SLC30A8: variants seen among roughly 807,000 people sequenced by gnomAD.
SLC30A8 encodes proton-coupled zinc antiporter SLC30A8.
SLC30A8 carries 27 observed loss-of-function variants against 36.9 expected under a neutral mutation model. That is an observed-to-expected ratio of 0.73 (90% CI 0.54 to 1.01). The LOEUF (loss-of-function observed/expected upper bound fraction) is 1.01, where lower values mean the gene tolerates loss of function less well. Ranked by LOEUF, SLC30A8 falls within the 50% of genes least tolerant of loss-of-function variation. The probability of loss-of-function intolerance (pLI) is 0.00; values close to 1 mark genes in which losing one functional copy is unlikely to be tolerated. For missense variants in SLC30A8, 439 were observed against 452.0 expected, an observed-to-expected ratio of 0.97 and a Z score of 0.26; for synonymous variants, 164 against 172.4, an observed-to-expected ratio of 0.95 and a Z score of 0.38.
intron 1 of SLC30A8, among the ~76,000 whole-genome samples, chr8:116,986,363 A>G (rs910484052): frequency 9.2e-5 from 14 of 152,166 alleles, no homozygotes; most frequent in Non-Finnish European, 1.3e-4. Flanking sequence ...TAGTGCACTA[A>G]GAGCCTCTGT....
chr8:117,045,732 C>T lies in SLC30A8; in HGVS notation c.-226+6474C>T, dbSNP rs115564739. On this transcript the variant is annotated intron_variant, in intron 2 of 10. Coordinates refer to the SLC30A8 transcript ENST00000427715. Reference sequence around the variant, plus strand: ...AGCAGCAGTCCTTTCAAAGCGTGGCCAGTGCAGAGCTGTGAGGCTAGTAAA... The same window carrying T: ...AGCAGCAGTCCTTTCAAAGCGTGGCTAGTGCAGAGCTGTGAGGCTAGTAAA... Among the ~76,000 whole-genome samples the T allele has an allele frequency of 5.2e-3, 786 of 152,258 alleles. 6 individuals are homozygous for T. Among genetic ancestry groups the T allele is most frequent in the African/African-American group, 0.018 (730 of 41,534 alleles).
chr8:117,081,485 G>A (rs1818676573), intron 2 of SLC30A8, among the ~76,000 whole-genome samples: 1 of 152,106 alleles, frequency 6.6e-6, no homozygotes, highest in South Asian at 2.1e-4. Context: ...CTACCCTAAT[G>A]GCCTCATGTA....
At chr8:117,027,734 C>G (rs951090333) in intron 1 of SLC30A8, among the ~76,000 whole-genome samples, 3 of 152,086 alleles carry the variant, frequency 2.0e-5, no homozygotes, top group Admixed American at 1.3e-4. Flanking sequence ...TAATAAAATT[C>G]TCATTTCTTC....
In SLC30A8 at chr8:117,135,067, A is replaced by T. The variant is rs552067277; in HGVS notation, c.-261A>T. ...ATCATATGAAAGACATACACACTTC[A>T]TGTAATGCTACCTGCAAGTCTCCCT... On this transcript the variant is annotated 5_prime_UTR_variant, in exon 1 of 8. The change abolishes an upstream ATG in the 5' untranslated region. Coordinates refer to ENST00000456015, the MANE Select transcript of SLC30A8 (RefSeq NM_173851.3). The T allele has an allele frequency of 4.2e-4, 137 of 329,106 alleles. No homozygotes were observed. Among genetic ancestry groups the T allele is most frequent in the African/African-American group, 2.7e-3 (126 of 47,376 alleles). 20.4% of individuals were successfully genotyped at this position (329,106 alleles called of 1,614,324 possible). A position where few individuals can be genotyped will look rare whatever the true frequency, so the allele number is the denominator to read the frequency against.
intron 1 of SLC30A8, among the ~76,000 whole-genome samples, chr8:117,002,788 A>G (rs1420555739): frequency 6.6e-6 from 1 of 152,100 alleles, no homozygotes; most frequent in Non-Finnish European, 1.5e-5. Flanking sequence ...GATTTTTACT[A>G]GAGACGGGGT....
intron 2 of SLC30A8, among the ~76,000 whole-genome samples, chr8:117,116,238 G>A (rs1820439413): frequency 1.3e-5 from 2 of 151,990 alleles, no homozygotes; most frequent in Non-Finnish European, 2.9e-5. Context: ...TGAGTGTAAT[G>A]GGATGGCACT....
At chr8:116,987,627 GA>G (rs201546342) in intron 1 of SLC30A8, among the ~76,000 whole-genome samples, 4,969 of 144,788 alleles carry the variant, frequency 0.034, 248 homozygotes, top group African/African-American at 0.11. Flanking sequence ...TACCAAAAAA[GA>G]AAAAAAAAAA....
At chr8:116,982,916 A>G (rs1815324008) in intron 1 of SLC30A8, among the ~76,000 whole-genome samples, 1 of 152,144 alleles carries the variant, frequency 6.6e-6, no homozygotes, top group Non-Finnish European at 1.5e-5. Flanking sequence ...CATGTGCTGA[A>G]TTTGTCACTA....
chr8:117,150,496 A>G (rs779596661), intron 2 of SLC30A8, among the ~76,000 whole-genome samples: 8 of 152,208 alleles, frequency 5.3e-5, no homozygotes, highest in Non-Finnish European at 1.2e-4. Flanking sequence ...TTATCTTGTT[A>G]TAAGTGTACT....
intron 2 of SLC30A8, chr8:117,128,541 C>T (rs1001072624): frequency 1.3e-5 from 1 of 74,112 alleles, no homozygotes; most frequent in Admixed American, 1.1e-4. Context: ...ATAATATGCT[C>T]CCTGTGTTAT....
At chr8:117,112,835 A>G (rs1563605071) in intron 2 of SLC30A8, among the ~76,000 whole-genome samples, 2 of 152,034 alleles carry the variant, frequency 1.3e-5, no homozygotes. Flanking sequence ...TTTTCCTTCA[A>G]GTGTGATCAC....
chr8:117,013,000 A>G (rs1471466702), intron 1 of SLC30A8, among the ~76,000 whole-genome samples: 1 of 152,058 alleles, frequency 6.6e-6, no homozygotes, highest in Non-Finnish European at 1.5e-5. Flanking sequence ...ATGAAAGAGC[A>G]AGCAGACCCT....
chr8:117,036,353 G>C (rs1817214059), intron 1 of SLC30A8, among the ~76,000 whole-genome samples: 1 of 152,084 alleles, frequency 6.6e-6, no homozygotes, highest in Non-Finnish European at 1.5e-5. Flanking sequence ...AACTGTTCCA[G>C]CCTCTGCCTG....
intron 1 of SLC30A8, among the ~76,000 whole-genome samples, chr8:117,021,293 TAACAC>T (rs1294824573): frequency 6.6e-6 from 1 of 152,192 alleles, no homozygotes; most frequent in African/African-American, 2.4e-5. Flanking sequence ...GGTAAATAGA[TAACAC>T]AACTTTTCTC....
intron 2 of SLC30A8, among the ~76,000 whole-genome samples, chr8:117,089,008 T>A (rs1352409427): frequency 6.6e-6 from 1 of 152,250 alleles, no homozygotes; most frequent in Non-Finnish European, 1.5e-5. Context: ...ATCCTACTTG[T>A]CCTCACTGCA....
chr8:117,105,655 C>T (rs1819962129), intron 2 of SLC30A8, among the ~76,000 whole-genome samples: 1 of 152,126 alleles, frequency 6.6e-6, no homozygotes, highest in Admixed American at 6.6e-5. Context: ...TCTTCCCTGG[C>T]AAACCTCAGT....
At chr8:117,025,866 A>G (rs948920743) in intron 1 of SLC30A8, among the ~76,000 whole-genome samples, 3 of 152,252 alleles carry the variant, frequency 2.0e-5, no homozygotes, top group African/African-American at 7.2e-5. Flanking sequence ...TAGGAGAAGA[A>G]AATGGCATTT....
intron 2 of SLC30A8, among the ~76,000 whole-genome samples, chr8:117,053,304 A>T (rs897105434): frequency 3.3e-5 from 5 of 152,058 alleles, no homozygotes; most frequent in Non-Finnish European, 7.4e-5. Flanking sequence ...TCCCTTCAGG[A>T]TCCTTATTTT....
chr8:116,998,064 GATTTT>G (rs67638975), intron 1 of SLC30A8, among the ~76,000 whole-genome samples: 5,746 of 152,232 alleles, frequency 0.038, 365 homozygotes, highest in African/African-American at 0.13. Flanking sequence ...GACAGAGGCT[GATTTT>G]ATTTGACTTA....
Sources: allele counts gnomAD v4.1 joint callset (sites outside exome capture counted in the v4.1 genomes callset), GRCh38; gene constraint gnomAD v4.1.1; transcripts MANE v1.5; gene names NCBI Gene and HGNC (gene_info 2026-07-23, HGNC 2026-07-21).